ELMO1: variants seen among roughly 807,000 people sequenced by gnomAD.
The protein encoded by ELMO1 is engulfment and cell motility 1, also known as engulfment and cell motility protein 1.
In ELMO1, 26 loss-of-function variants were observed where a neutral mutation model predicts 98.9. The ratio of observed to expected loss-of-function variants is 0.26; its 90% CI spans 0.19 to 0.36. The LOEUF (loss-of-function observed/expected upper bound fraction) is 0.36, where lower values mean the gene tolerates loss of function less well. Among genes scored for constraint, ELMO1 ranks in the 10% least tolerant of loss-of-function variants. ELMO1 has a pLI of 1.00. For synonymous variants in ELMO1, 346 were observed against 346.0 expected (o/e 1.00, Z 0.00); for missense variants, 627 against 935.2 (o/e 0.67, Z 4.30).
chr7:37,278,025 C>T (rs920109122), intron 4 of ELMO1, among the ~76,000 whole-genome samples: 2 of 151,626 alleles, frequency 1.3e-5, no homozygotes, highest in Admixed American at 1.3e-4. Context: ...ACTGTTGTAT[C>T]ATGACCCATG....
At chr7:36,963,422 C>T (rs114217276) in intron 16 of ELMO1, among the ~76,000 whole-genome samples, 11 of 149,504 alleles carry the variant, frequency 7.4e-5, no homozygotes, top group African/African-American at 2.5e-4. Context: ...TAAATAAAGG[C>T]ATCTTTGAAC....
intron 15 of ELMO1, among the ~76,000 whole-genome samples, chr7:37,059,743 C>A (rs1420841719): frequency 2.0e-5 from 3 of 152,130 alleles, no homozygotes; most frequent in African/African-American, 7.2e-5. Context: ...CAAATGTTCC[C>A]ACCAGAGACC....
chr7:37,396,534 G>A (rs754756010), intron 1 of ELMO1, among the ~76,000 whole-genome samples: 6 of 152,148 alleles, frequency 3.9e-5, no homozygotes, highest in Non-Finnish European at 8.8e-5. Flanking sequence ...GGCAATTTGG[G>A]GGCTATCTTT....
At position 37,187,648 on chromosome 7, in the gene ELMO1, C is replaced by T. The variant is rs138042229; in HGVS notation, c.1086+23738G>A. 7.0e-3 allele frequency among the ~76,000 whole-genome samples: 1,067 copies of T among 152,126 alleles called. 7 individuals are homozygous for T. The highest frequency in any genetic ancestry group is 0.018 in the African/African-American group (762 of 41,508). On this transcript the variant is annotated intron_variant, in intron 13 of 21. Transcript: ENST00000310758. ...GTTTTTTATTATCAGTCATCTACTC[C>T]AAATGAATTCTGATAGTAAAGAAAA...
chr7:37,347,603 T>C (rs2392494), intron 1 of ELMO1, among the ~76,000 whole-genome samples: 83,911 of 151,988 alleles, frequency 0.55, 23,307 homozygotes, highest in East Asian at 0.68. Context: ...CACTTGGTTC[T>C]CATTCTCTCC....
At chr7:37,164,411 C>A (rs955957767) in intron 13 of ELMO1, among the ~76,000 whole-genome samples, 7 of 152,052 alleles carry the variant, frequency 4.6e-5, no homozygotes, top group Non-Finnish European at 7.4e-5. Flanking sequence ...AAGTCCTTGC[C>A]CATGCCTATG....
At chr7:37,027,651 A>T (rs140586765) in intron 15 of ELMO1, among the ~76,000 whole-genome samples, 5 of 152,324 alleles carry the variant, frequency 3.3e-5, no homozygotes, top group African/African-American at 1.2e-4. Flanking sequence ...TCAGTCCCTT[A>T]AACAAGTGAG....
At chr7:37,185,318 T>C (rs939723428) in intron 13 of ELMO1, among the ~76,000 whole-genome samples, 6 of 152,224 alleles carry the variant, frequency 3.9e-5, no homozygotes, top group Admixed American at 1.3e-4. Context: ...GTATCATTTA[T>C]AGAAATGAAA....
rs560991662 is a variant in ELMO1 at position 37,075,738 on chromosome 7, A to G, written c.1300+20881T>C. On this transcript the variant is annotated intron_variant, in intron 15 of 21. Coordinates refer to ENST00000310758, the MANE Select transcript of ELMO1 (RefSeq NM_014800.11). The stretch of plus-strand genomic sequence containing the variant: ...AAGCCTAGGGATATGGGGACATCAC[A>G]AAGAGCCAGAAGTGGCACCAACAGA... 1.7e-3 allele frequency among the ~76,000 whole-genome samples: 261 copies of G among 152,326 alleles called. 5 individuals carry two copies. Among genetic ancestry groups the G allele is most frequent in the African/African-American group, 5.9e-3 (247 of 41,578 alleles).
intron 14 of ELMO1, among the ~76,000 whole-genome samples, chr7:37,126,536 A>G (rs1786535188): frequency 6.6e-6 from 1 of 152,056 alleles, no homozygotes; most frequent in Non-Finnish European, 1.5e-5. Flanking sequence ...AAATAATGAA[A>G]TATTTACCTG....
intron 6 of ELMO1, among the ~76,000 whole-genome samples, chr7:37,248,021 G>A (rs1374310074): frequency 1.3e-5 from 2 of 151,450 alleles, no homozygotes; most frequent in East Asian, 3.9e-4. Flanking sequence ...GCCTCCTCCA[G>A]CATCCCTGAC....
intron 15 of ELMO1, among the ~76,000 whole-genome samples, chr7:37,065,708 G>A (rs1444485803): frequency 6.6e-6 from 1 of 152,166 alleles, no homozygotes; most frequent in Non-Finnish European, 1.5e-5. Flanking sequence ...TTCTTTTAGG[G>A]TTCTCTGTCT....
In ELMO1 at chr7:36,853,872, T is replaced by A. The variant is rs145420459; in HGVS notation, c.*1679A>T. Among the ~76,000 whole-genome samples, 68 of 152,290 alleles carry A rather than the reference T, an allele frequency of 4.5e-4. 2 individuals carry two copies. The East Asian group carries it at 7.7e-3, about 17-fold the overall frequency. ...TCCAGTGCAAATGACTTAAGAAACATCCTTCGCTGGGCTCTGACCTATAAT... is the reference window on the plus strand; with the variant it reads ...TCCAGTGCAAATGACTTAAGAAACAACCTTCGCTGGGCTCTGACCTATAAT... On this transcript the variant is annotated 3_prime_UTR_variant, in exon 22 of 22. Coordinates refer to ENST00000310758, the MANE Select transcript of ELMO1 (RefSeq NM_014800.11).
intron 15 of ELMO1, among the ~76,000 whole-genome samples, chr7:37,087,333 A>G (rs1391569868): frequency 6.6e-6 from 1 of 152,206 alleles, no homozygotes; most frequent in African/African-American, 2.4e-5. Context: ...AATGGTGAAT[A>G]ATAATCAGCA....
intron 15 of ELMO1, among the ~76,000 whole-genome samples, chr7:37,057,700 C>T (rs907337796): frequency 6.6e-6 from 1 of 152,242 alleles, no homozygotes; most frequent in African/African-American, 2.4e-5. Context: ...TGCACACACA[C>T]ACACGCACAT....
chr7:37,223,663 A>G (rs1793717418), intron 9 of ELMO1, among the ~76,000 whole-genome samples: 1 of 152,200 alleles, frequency 6.6e-6, no homozygotes, highest in South Asian at 2.1e-4. Context: ...TACAGTTCAC[A>G]TTCAAAGGAA....
intron 4 of ELMO1, among the ~76,000 whole-genome samples, chr7:37,296,557 G>C (rs1798036786): frequency 6.6e-6 from 1 of 152,184 alleles, no homozygotes; most frequent in African/African-American, 2.4e-5. Context: ...AGAAGTGATA[G>C]CCCCTCTTAT....
chr7:37,287,106 T>A (rs1010771635), intron 4 of ELMO1, among the ~76,000 whole-genome samples: 3 of 151,122 alleles, frequency 2.0e-5, no homozygotes, highest in Non-Finnish European at 2.9e-5. Context: ...GACAGAAGGA[T>A]CGCTTGAACC....
chr7:37,212,057 G>A (rs1793004754), intron 12 of ELMO1, among the ~76,000 whole-genome samples: 1 of 152,140 alleles, frequency 6.6e-6, no homozygotes, highest in Non-Finnish European at 1.5e-5. Flanking sequence ...TTTGAAAGAG[G>A]GCAATCCCAG....
Sources: gnomAD v4.1 joint callset for allele counts (sites outside exome capture counted in the v4.1 genomes callset) on GRCh38, gnomAD v4.1.1 for gene constraint, MANE v1.5 for transcripts, NCBI Gene and HGNC (gene_info 2026-07-23, HGNC 2026-07-21) for gene names.